DNAH11: variants seen among roughly 807,000 people sequenced by gnomAD.
DNAH11 encodes the protein axonemal beta dynein heavy chain 11.
Under a neutral mutation model 526.0 loss-of-function variants are expected in DNAH11, and 442 were observed. That is an observed-to-expected ratio of 0.84 (90% CI 0.78 to 0.91). DNAH11 has a LOEUF of 0.91. Ranked by LOEUF, DNAH11 falls within the 40% of genes least tolerant of loss-of-function variation. The pLI is 0.00. For missense variants in DNAH11, 6,989 were observed against 5,448.7 expected, an observed-to-expected ratio of 1.28 and a Z score of -8.90; for synonymous variants, 2,461 against 1,935.9, an observed-to-expected ratio of 1.27 and a Z score of -7.12.
At chr7:21,780,397 A>G (rs1271642459) in intron 57 of DNAH11, among the ~76,000 whole-genome samples, 2 of 152,136 alleles carry the variant, frequency 1.3e-5, no homozygotes, top group African/African-American at 4.8e-5. Flanking sequence ...GAGGGGCAAA[A>G]AAGACAAAGC....
At chr7:21,624,108 C>G (rs1326938719) in intron 25 of DNAH11, among the ~76,000 whole-genome samples, 1 of 151,954 alleles carries the variant, frequency 6.6e-6, no homozygotes. Flanking sequence ...GATTAAGTTG[C>G]AACACATGAG....
intron 30 of DNAH11, among the ~76,000 whole-genome samples, chr7:21,669,354 C>A (rs561850644): frequency 6.6e-5 from 10 of 152,120 alleles, no homozygotes; most frequent in Admixed American, 6.6e-4. Context: ...TTTAAAAATT[C>A]TTTTTGTAGG....
chr7:21,561,004 C>A, intron 4 of DNAH11, 67 bp from the exon 5 acceptor site: 1 of 1,057,218 alleles, frequency 9.5e-7, no homozygotes, highest in Non-Finnish European at 1.4e-6. Flanking sequence ...TATTTTATTA[C>A]AGAATGCATG....
intron 28 of DNAH11, among the ~76,000 whole-genome samples, chr7:21,641,064 C>T (rs1787106298): frequency 6.6e-6 from 1 of 152,184 alleles, no homozygotes; most frequent in South Asian, 2.1e-4. Flanking sequence ...TATGCCAGAG[C>T]CACCCCCACT....
intron 28 of DNAH11, among the ~76,000 whole-genome samples, chr7:21,643,797 C>T (rs552692043): frequency 6.6e-6 from 1 of 152,058 alleles, no homozygotes; most frequent in Non-Finnish European, 1.5e-5. Flanking sequence ...GTTTCAAAGA[C>T]TTGCTGCAAA....
chr7:21,694,619 T>A (rs921409700), intron 35 of DNAH11, among the ~76,000 whole-genome samples: 16 of 152,194 alleles, frequency 1.1e-4, no homozygotes, highest in African/African-American at 3.9e-4. Flanking sequence ...TTTGGGTTGG[T>A]TCCAAGTCTT....
intron 54 of DNAH11, among the ~76,000 whole-genome samples, chr7:21,764,251 T>A (rs1239380789): frequency 1.4e-5 from 2 of 145,516 alleles, no homozygotes; most frequent in African/African-American, 5.0e-5. Flanking sequence ...TGAATACACA[T>A]GGCATATAAA....
intron 73 of DNAH11, among the ~76,000 whole-genome samples, chr7:21,872,130 A>AAAAAAAAAAAAAAAAC (rs1783520946): frequency 9.2e-6 from 1 of 108,800 alleles, no homozygotes; most frequent in Non-Finnish European, 1.7e-5. Context: ...TCTCAAAAAA[A>AAAAAAAAAAAAAAAAC]AAAAAAAAAA....
intron 15 of DNAH11, 45 bp downstream of exon 15, chr7:21,600,164 C>T (rs1189470587): frequency 2.7e-6 from 4 of 1,455,000 alleles, no homozygotes; most frequent in Admixed American, 2.3e-5. Context: ...ATTAATGATT[C>T]AAAAACAAAT....
In DNAH11 at chr7:21,792,646, T is replaced by C. The variant is rs536269872; in HGVS notation, c.10026+3304T>C. The stretch of plus-strand genomic sequence containing the variant: ...GTAGAGTGTATATGTGCAGGAATTT[T>C]TTCATTTCTTATAGGTTTTCCAATA... On this transcript the variant is annotated intron_variant, in intron 61 of 81. Transcript: ENST00000409508. Among the ~76,000 whole-genome samples the C allele has an allele frequency of 9.7e-4, 147 of 152,300 alleles. 1 individual carries two copies. The highest frequency in any genetic ancestry group is 3.4e-3 in the African/African-American group (140 of 41,574).
chr7:21,565,099 C>G (rs532153459), intron 6 of DNAH11, among the ~76,000 whole-genome samples: 10 of 152,280 alleles, frequency 6.6e-5, no homozygotes, highest in African/African-American at 2.4e-4. Flanking sequence ...TAGCAAAGTA[C>G]TATGGATTGG....
intron 61 of DNAH11, among the ~76,000 whole-genome samples, chr7:21,795,896 C>T (rs1489902509): frequency 2.0e-5 from 3 of 152,154 alleles, no homozygotes; most frequent in African/African-American, 7.2e-5. Context: ...CTCTTGAATC[C>T]AGTCTTAAAA....
intron 63 of DNAH11, among the ~76,000 whole-genome samples, 184 bp from the exon 64 acceptor site, chr7:21,816,283 A>T (rs977417389): frequency 6.6e-6 from 1 of 152,134 alleles, no homozygotes; most frequent in African/African-American, 2.4e-5. Context: ...CTGAGATGTA[A>T]ATACTGGATT....
chr7:21,736,861 A>C (rs561061822), intron 46 of DNAH11, among the ~76,000 whole-genome samples: 50 of 152,284 alleles, frequency 3.3e-4, no homozygotes, highest in African/African-American at 1.2e-3. Context: ...CTATTCAGAA[A>C]ATACATATTA....
chr7:21,669,604 AT>A (rs943001114), intron 30 of DNAH11, among the ~76,000 whole-genome samples: 13 of 148,034 alleles, frequency 8.8e-5, no homozygotes, highest in East Asian at 2.0e-4. Flanking sequence ...AGTGTATCAC[AT>A]TTTTTTTTCA....
rs1163138890 is a variant in DNAH11 at position 21,735,683 on chromosome 7, T to C, written c.7484T>C (p.Phe2495Ser). The C allele has an allele frequency of 1.2e-6, 2 of 1,611,684 alleles. No individual in the cohort carries two copies. Among genetic ancestry groups the C allele is most frequent in the Admixed American group, 3.4e-5 (2 of 59,648 alleles). The change falls in exon 46 of 82, where the codon TTC (phenylalanine) becomes TCC (serine). Residue 2495 changes from phenylalanine (F) to serine (S), a missense_variant. Physicochemically the swap from Phe to Ser is radical, Grantham distance 155. Coordinates refer to ENST00000409508, the MANE Select transcript of DNAH11 (RefSeq NM_001277115.2). The part of the protein sequence containing the change: ...HTTETARLRY[F>S]MELLLEKGKP... The stretch of plus-strand genomic sequence containing the variant: ...ACAGAGACAGCTCGTCTTAGATATT[T>C]CATGGAGTTGTTGCTTGAGAAAGGA...
intron 79 of DNAH11, among the ~76,000 whole-genome samples, chr7:21,896,571 G>A (rs1026272540): frequency 5.3e-5 from 8 of 152,162 alleles, no homozygotes; most frequent in Non-Finnish European, 1.2e-4. Flanking sequence ...ATAAATGTGA[G>A]ATTCCATCCA....
At chr7:21,735,922 T>C (rs1484983787) in intron 46 of DNAH11, 78 bp downstream of exon 46, 4 of 1,319,892 alleles carry the variant, frequency 3.0e-6, no homozygotes, top group Non-Finnish European at 4.1e-6. Flanking sequence ...AAAAGACTAA[T>C]AATGCCTTTC....
intron 26 of DNAH11, among the ~76,000 whole-genome samples, chr7:21,636,420 G>A (rs1480180631): frequency 6.6e-6 from 1 of 151,976 alleles, no homozygotes; most frequent in African/African-American, 2.4e-5. Context: ...AAAATACACT[G>A]TTTTTTATTT....
Sources: allele counts gnomAD v4.1 joint callset (sites outside exome capture counted in the v4.1 genomes callset), GRCh38; gene constraint gnomAD v4.1.1; transcripts MANE v1.5; gene names NCBI Gene and HGNC (gene_info 2026-07-23, HGNC 2026-07-21).